PSMD5: variants seen among roughly 807,000 people sequenced by gnomAD.
The protein encoded by PSMD5 is proteasome 26S subunit, non-ATPase 5.
Under a neutral mutation model 52.1 loss-of-function variants are expected in PSMD5, and 40 were observed. The observed-to-expected ratio is 0.77, with a 90% CI of 0.60 to 1.00. PSMD5 has a LOEUF of 1.00. PSMD5 is among the 50% of genes least tolerant of loss of function. The pLI, the probability that PSMD5 is intolerant of heterozygous loss-of-function variation, is 0.00. For missense variants in PSMD5, 575 were observed against 605.2 expected, an observed-to-expected ratio of 0.95 and a Z score of 0.52; for synonymous variants, 211 against 226.6, an observed-to-expected ratio of 0.93 and a Z score of 0.62.
intron 1 of PSMD5, among the ~76,000 whole-genome samples, chr9:120,835,261 G>A (rs1041968133): frequency 2.6e-5 from 4 of 152,114 alleles, no homozygotes; most frequent in African/African-American, 9.7e-5. Context: ...TGTGTTATGT[G>A]CATATAATGA....
Position 120,842,892 on chromosome 9 carries a change from CA to C in PSMD5, c.17del (p.Leu6TrpfsTer4). ...GCCTCGCTACCTCTCTCAGCAGCGC[CA>C]AAGCCTGGGCTGCCATCTTGCCCCC... MAAQA[L>X]ALLREVARLE... On this transcript the variant is annotated frameshift_variant, in exon 1 of 10. Transcript: ENST00000210313. LOFTEE classifies it high-confidence loss of function. The C allele has an allele frequency of 1.3e-6, 2 of 1,593,072 alleles. No individual in the cohort carries two copies. The highest frequency in any genetic ancestry group is 1.7e-6 in the Non-Finnish European group (2 of 1,174,812).
chr9:120,821,390 A>G lies in PSMD5; in HGVS notation c.1081T>C (p.Cys361Arg), dbSNP rs1406350684. Residue 361 changes from cysteine to arginine, a missense_variant, in exon 8 of 10, where the codon TGT becomes CGT. Coordinates refer to ENST00000210313, the MANE Select transcript of PSMD5 (RefSeq NM_005047.4). The part of the protein sequence containing the change: ...KNAPVELKIR[C>R]LDAISSLLYL... ...AGAAGAGATGAAATTGCATCCAAACATCTAATTTTTAGCTCCACTGGGGCA... is the reference window on the plus strand; with the variant it reads ...AGAAGAGATGAAATTGCATCCAAACGTCTAATTTTTAGCTCCACTGGGGCA... 1.9e-6 allele frequency: 3 copies of G among 1,606,740 alleles called. No homozygotes were observed. Among genetic ancestry groups the G allele is most frequent in the Non-Finnish European group, 2.6e-6 (3 of 1,176,026 alleles).
At position 120,829,118 on chromosome 9, in the gene PSMD5, C is replaced by T; in HGVS notation, c.652G>A (p.Gly218Ser). The T allele has an allele frequency of 6.3e-7, 1 of 1,599,068 alleles. No homozygotes were observed. The highest frequency in any genetic ancestry group is 1.1e-5 in the South Asian group (1 of 88,202). The part of the protein sequence containing the change: ...LVTQLLRELT[G>S]EDVLVRATCI... Reference sequence around the variant, plus strand: ...ACACACCTGACCAACACATCCTCACCAGTCAGCTCTCTCAGGAGCTGGGTT... The same window carrying T: ...ACACACCTGACCAACACATCCTCACTAGTCAGCTCTCTCAGGAGCTGGGTT... The change falls in exon 5 of 10, where the codon GGT becomes AGT. Residue 218 changes from glycine to serine, a missense_variant. Coordinates refer to ENST00000210313, the MANE Select transcript of PSMD5 (RefSeq NM_005047.4).
intron 9 of PSMD5, among the ~76,000 whole-genome samples, chr9:120,820,379 G>A (rs1011506332): frequency 1.3e-5 from 2 of 152,226 alleles, no homozygotes; most frequent in African/African-American, 4.8e-5. Context: ...GGCAAAGTGT[G>A]CTGAAGACAA....
rs188386132 is a variant in PSMD5 at position 120,823,685 on chromosome 9, T to C, written c.1006+809A>G. 2.0e-5 allele frequency among the ~76,000 whole-genome samples: 3 copies of C among 151,998 alleles called. No individual in the cohort carries two copies. The East Asian group carries it at 5.8e-4, about 29-fold the overall frequency. On this transcript the variant is annotated intron_variant, in intron 7 of 9. Transcript: ENST00000210313. The stretch of plus-strand genomic sequence containing the variant: ...CAGTACCATGCCTGGTTAATTTTTG[T>C]ATTCTTGAGTAGAGATAGGATTTTG...
chr9:120,835,660 C>T (rs535001056), intron 1 of PSMD5, among the ~76,000 whole-genome samples: 14 of 151,782 alleles, frequency 9.2e-5, no homozygotes, highest in Admixed American at 2.6e-4. Context: ...ACCCAGGAGG[C>T]GGCAGTTGCA....
At chr9:120,825,009 G>A (rs145603751) in intron 6 of PSMD5, 1 of 188,514 alleles carries the variant, frequency 5.3e-6, no homozygotes, top group East Asian at 1.3e-4. Context: ...ATTTTTAAAT[G>A]GATATGTTCA....
intron 7 of PSMD5, chr9:120,824,288 A>G: frequency 1.7e-6 from 1 of 589,428 alleles, no homozygotes; most frequent in Non-Finnish European, 3.0e-6. Flanking sequence ...ATGAAAACCT[A>G]AACCAGTGAA....
intron 9 of PSMD5, among the ~76,000 whole-genome samples, chr9:120,818,976 A>T (rs552295938): frequency 2.6e-5 from 4 of 152,370 alleles, no homozygotes; most frequent in African/African-American, 9.6e-5. Context: ...GACTGGGCAG[A>T]GGTAGCAAGA....
intron 9 of PSMD5, among the ~76,000 whole-genome samples, chr9:120,820,079 C>T (rs1248901120): frequency 6.6e-6 from 1 of 152,148 alleles, no homozygotes; most frequent in Non-Finnish European, 1.5e-5. Flanking sequence ...GCCAACTCTA[C>T]TTAATAGGTA....
At chr9:120,828,264 T>G (rs1165809478) in intron 5 of PSMD5, among the ~76,000 whole-genome samples, 1 of 151,910 alleles carries the variant, frequency 6.6e-6, no homozygotes, top group African/African-American at 2.4e-5. Flanking sequence ...CCTCCCAAAG[T>G]GCTGGGATTA....
chr9:120,829,215 T>TA lies in PSMD5; in HGVS notation c.562-8dup, dbSNP rs558048919. ...AAGAAATCTCTATAATTAGCTGAAATAAAAAAAAAAACACAGAAAAAAGAA... is the reference window on the plus strand; with the variant it reads ...AAGAAATCTCTATAATTAGCTGAAATAAAAAAAAAAAACACAGAAAAAAGAA... On this transcript the variant is annotated splice_polypyrimidine_tract_variant and splice_region_variant and intron_variant, in intron 4 of 9. Transcript: ENST00000210313. 31,645 of 1,051,882 alleles carry TA rather than the reference T, an allele frequency of 0.03. 1 individual carries two copies. The highest frequency in any genetic ancestry group is 0.057 in the East Asian group (1,754 of 30,532). 65.2% of individuals were successfully genotyped at this position (1,051,882 alleles called of 1,614,324 possible). A position where few individuals can be genotyped will look rare whatever the true frequency, so the allele number is the denominator to read the frequency against.
rs2045045445 is a variant in PSMD5 at position 120,816,757 on chromosome 9, T to C, written c.*1149A>G. 1 of 152,200 alleles carries C rather than the reference T, an allele frequency of 6.6e-6. No homozygotes were observed. Among genetic ancestry groups the C allele is most frequent in the African/African-American group, 2.4e-5 (1 of 41,444 alleles). 9.4% of individuals were successfully genotyped at this position (152,200 alleles called of 1,614,324 possible). Reference sequence around the variant, plus strand: ...CTGGAAAACAGGTGGGTGTAGGTGTTGTCAATGAAAAGAAAGATTATCCTT... The same window carrying C: ...CTGGAAAACAGGTGGGTGTAGGTGTCGTCAATGAAAAGAAAGATTATCCTT... On this transcript the variant is annotated 3_prime_UTR_variant, in exon 10 of 10. Transcript: ENST00000210313.
chr9:120,838,889 A>G (rs149912022), intron 1 of PSMD5, among the ~76,000 whole-genome samples: 191 of 152,386 alleles, frequency 1.3e-3, no homozygotes, highest in African/African-American at 3.8e-3. Context: ...GGATGCAGAC[A>G]TGAACAAAAT....
chr9:120,826,726 A>G, intron 6 of PSMD5, 39 bp downstream of exon 6: 1 of 1,594,738 alleles, frequency 6.3e-7, no homozygotes, highest in Non-Finnish European at 8.6e-7. Flanking sequence ...CAGAAATAAA[A>G]CACGCACCAT....
At chr9:120,828,443 C>CTTTTT (rs34354549) in intron 5 of PSMD5, among the ~76,000 whole-genome samples, 22 of 132,546 alleles carry the variant, frequency 1.7e-4, no homozygotes, top group African/African-American at 5.7e-4. Flanking sequence ...AGCTCATATT[C>CTTTTT]TTTTTTTTTT....
At position 120,842,871 on chromosome 9, in the gene PSMD5, C is replaced by T. The variant is rs1488419444; in HGVS notation, c.39G>A (p.Ala13=). The change falls in exon 1 of 10, where the codon GCG becomes GCA. Residue 13 remains alanine, a synonymous_variant. Transcript: ENST00000210313. ...AQALALLREV[A]RLEAPLEELR... ...GCTCCTCCAGCGGCGCTTCCAGCCT[C>T]GCTACCTCTCTCAGCAGCGCCAAAG... 1.2e-6 allele frequency: 2 copies of T among 1,601,718 alleles called. No homozygotes were observed. The highest frequency in any genetic ancestry group is 2.2e-5 in the East Asian group (1 of 44,668).
Position 120,829,193 on chromosome 9 carries a change from A to C in PSMD5, c.577T>G (p.Ser193Ala). Residue 193 changes from serine (S) to alanine (A), a missense_variant, in exon 5 of 10, where the codon TCT (serine) becomes GCT (alanine). By Grantham distance (99) the Ser-to-Ala change is moderately conservative. Transcript: ENST00000210313. ...TTTAAAGATTCTGGTGACACGGAAG[A>C]AATCTCTATAATTAGCTGAAATAAA... is the stretch of plus-strand genomic sequence containing the variant. ...YRVYELIIEI[S>A]SVSPESLNYC... 6.3e-7 allele frequency: 1 copy of C among 1,595,894 alleles called. No homozygotes were observed.
At chr9:120,821,537 C>A (rs2045084677) in intron 7 of PSMD5, 73 bp from the exon 8 acceptor site, 1 of 1,104,708 alleles carries the variant, frequency 9.1e-7, no homozygotes, top group South Asian at 1.7e-5. Flanking sequence ...CCATTTTAAC[C>A]ATTTTTAGTG....
Sources: gnomAD v4.1 joint callset for allele counts (sites outside exome capture counted in the v4.1 genomes callset) on GRCh38, gnomAD v4.1.1 for gene constraint, MANE v1.5 for transcripts, NCBI Gene and HGNC (gene_info 2026-07-23, HGNC 2026-07-21) for gene names.